Variants in SNX29 observed in about 807,000 individuals in gnomAD.
SNX29 encodes sorting nexin 29, also known as sorting nexin-29.
A neutral mutation model predicts 102.1 loss-of-function variants in SNX29; 78 were observed. That is an observed-to-expected ratio of 0.76 (90% CI 0.64 to 0.92). The LOEUF is 0.92. SNX29 is among the 40% of genes least tolerant of loss of function. The pLI, the probability that SNX29 is intolerant of heterozygous loss-of-function variation, is 0.00. For synonymous variants in SNX29, 580 were observed against 414.5 expected (o/e 1.40, Z -4.85); for missense variants, 1,280 against 1,061.7 (o/e 1.21, Z -2.86).
At chr16:12,339,065 G>A (rs2081536554) in intron 15 of SNX29, among the ~76,000 whole-genome samples, 1 of 152,152 alleles carries the variant, frequency 6.6e-6, no homozygotes, top group African/African-American at 2.4e-5. Context: ...GCGCCATCAT[G>A]ACTGTTTCAT....
intron 13 of SNX29, among the ~76,000 whole-genome samples, chr16:12,156,827 A>T (rs1023802106): frequency 3.3e-5 from 5 of 152,200 alleles, no homozygotes; most frequent in African/African-American, 1.2e-4. Context: ...CCCTCTGGGC[A>T]CTGAGTTTCC....
chr16:12,231,532 TA>T (rs143801181), intron 14 of SNX29, among the ~76,000 whole-genome samples: 5 of 121,148 alleles, frequency 4.1e-5, no homozygotes, highest in African/African-American at 1.3e-4. Flanking sequence ...TGGGCCTTTT[TA>T]AAAAAAAAAC....
intron 13 of SNX29, among the ~76,000 whole-genome samples, chr16:12,163,249 G>C (rs1048928722): frequency 6.6e-6 from 1 of 152,194 alleles, no homozygotes; most frequent in Non-Finnish European, 1.5e-5. Context: ...GGGTCACCCT[G>C]CTGAGAAAGG....
intron 15 of SNX29, among the ~76,000 whole-genome samples, chr16:12,316,579 C>T (rs186662099): frequency 6.6e-6 from 1 of 152,162 alleles, no homozygotes; most frequent in African/African-American, 2.4e-5. Flanking sequence ...TTACCCAAAT[C>T]GGGATCTTGC....
intron 3 of SNX29, among the ~76,000 whole-genome samples, chr16:12,013,113 T>G (rs1173335633): frequency 6.6e-6 from 1 of 151,710 alleles, no homozygotes; most frequent in African/African-American, 2.4e-5. Flanking sequence ...GATTGAGGTT[T>G]GGGACTGAGC....
chr16:12,572,337 C>G lies in SNX29; in HGVS notation c.*3708C>G, dbSNP rs761999385. On this transcript the variant is annotated 3_prime_UTR_variant, in exon 21 of 21. Coordinates refer to ENST00000566228, the MANE Select transcript of SNX29 (RefSeq NM_032167.5). ...GGAAACAGGAGTGAAGCCCACCAGC[C>G]TGCCTGGTTGATGGACAGCAGGCTC... 1.9e-6 allele frequency: 2 copies of G among 1,063,362 alleles called. No individual in the cohort carries two copies. Among genetic ancestry groups the G allele is most frequent in the Admixed American group, 5.4e-5 (1 of 18,684 alleles). The allele number at this position is 1,063,362 out of a possible 1,614,324, so 65.9% of individuals were successfully genotyped here. A position where few individuals can be genotyped will look rare whatever the true frequency, so the allele number is the denominator to read the frequency against.
At chr16:12,552,497 C>A (rs1354934646) in intron 20 of SNX29, among the ~76,000 whole-genome samples, 1 of 152,194 alleles carries the variant, frequency 6.6e-6, no homozygotes, top group African/African-American at 2.4e-5. Flanking sequence ...AGGAATCTTG[C>A]TCAAAAATAG....
chr16:12,562,292 C>T (rs939878840), intron 20 of SNX29, among the ~76,000 whole-genome samples: 23 of 152,200 alleles, frequency 1.5e-4, no homozygotes, highest in African/African-American at 5.5e-4. Context: ...ATCCCAGCAT[C>T]AAACGTTATC....
chr16:12,524,927 C>G lies in SNX29; in HGVS notation c.2318+86C>G, dbSNP rs1407196280. 9.0e-6 allele frequency: 14 copies of G among 1,551,902 alleles called. No individual in the cohort carries two copies. In the South Asian group the frequency reaches 1.6e-4, roughly 17 times the overall value. On this transcript the variant is annotated intron_variant, in intron 20 of 20. Transcript: ENST00000566228. ...TTTGGAAGGTCAGGGAGCACAGCGG[C>G]TCTCCGTGATGCCCTGATCGCCATG...
chr16:12,283,924 C>G (rs143392269), intron 15 of SNX29, among the ~76,000 whole-genome samples: 1 of 152,172 alleles, frequency 6.6e-6, no homozygotes, highest in Non-Finnish European at 1.5e-5. Flanking sequence ...TGGTGATGCT[C>G]AGAATTTCTT....
chr16:12,544,752 C>T (rs1199514597), intron 20 of SNX29, among the ~76,000 whole-genome samples: 1 of 152,180 alleles, frequency 6.6e-6, no homozygotes, highest in Admixed American at 6.5e-5. Flanking sequence ...GGTGAAGGGA[C>T]GTGCTCTGGG....
intron 16 of SNX29, among the ~76,000 whole-genome samples, chr16:12,371,143 G>A (rs1261506509): frequency 1.3e-5 from 2 of 152,224 alleles, no homozygotes; most frequent in African/African-American, 4.8e-5. Flanking sequence ...GGTGGTTGGG[G>A]ATGCAACTGA....
chr16:12,484,309 T>C (rs893446270), intron 19 of SNX29, among the ~76,000 whole-genome samples: 7 of 152,192 alleles, frequency 4.6e-5, no homozygotes, highest in Non-Finnish European at 1.0e-4. Flanking sequence ...CCACTGCCCC[T>C]GGCTCCTGTT....
intron 13 of SNX29, among the ~76,000 whole-genome samples, chr16:12,133,032 G>T (rs953438475): frequency 6.6e-6 from 1 of 152,210 alleles, no homozygotes; most frequent in South Asian, 2.1e-4. Flanking sequence ...TGCCGTAGCT[G>T]CTGGGGCACA....
chr16:12,280,718 C>T (rs870640), intron 15 of SNX29, among the ~76,000 whole-genome samples: 6,097 of 152,228 alleles, frequency 0.04, 423 homozygotes, highest in African/African-American at 0.14. Flanking sequence ...CATTTCACTA[C>T]ACCAATACTT....
chr16:12,066,248 G>A (rs902009497), intron 9 of SNX29, among the ~76,000 whole-genome samples: 1 of 152,202 alleles, frequency 6.6e-6, no homozygotes, highest in Admixed American at 6.5e-5. Context: ...TGGGGCGTCT[G>A]CTGTAGAAGG....
At chr16:12,551,511 C>G (rs1291735039) in intron 20 of SNX29, among the ~76,000 whole-genome samples, 1 of 152,194 alleles carries the variant, frequency 6.6e-6, no homozygotes, top group East Asian at 1.9e-4. Context: ...GCCTCAGCAT[C>G]AGGATCTTTT....
At chr16:12,278,514 A>G (rs946800238) in intron 15 of SNX29, among the ~76,000 whole-genome samples, 63 of 152,184 alleles carry the variant, frequency 4.1e-4, no homozygotes, top group African/African-American at 1.5e-3. Context: ...AGTTGTACAA[A>G]TTACTGAAGA....
chr16:12,298,176 A>G (rs2080044253), intron 15 of SNX29, among the ~76,000 whole-genome samples: 1 of 152,224 alleles, frequency 6.6e-6, no homozygotes, highest in South Asian at 2.1e-4. Flanking sequence ...TTTCAGAAAG[A>G]AAAGAAATAA....
Sources: gnomAD v4.1 joint callset for allele counts (sites outside exome capture counted in the v4.1 genomes callset) on GRCh38, gnomAD v4.1.1 for gene constraint, MANE v1.5 for transcripts, NCBI Gene and HGNC (gene_info 2026-07-23, HGNC 2026-07-21) for gene names.